ADGRL3: variants seen among roughly 807,000 people sequenced by gnomAD.
ADGRL3 encodes adhesion G protein-coupled receptor L3, also known as calcium-independent alpha-latrotoxin receptor 3.
A neutral mutation model predicts 153.5 loss-of-function variants in ADGRL3; 62 were observed. The observed-to-expected ratio is 0.40, with a 90% confidence interval of 0.33 to 0.50. ADGRL3 has a LOEUF of 0.50. ADGRL3 is among the 20% of genes least tolerant of loss of function. The probability of loss-of-function intolerance (pLI) is 0.47; values close to 1 mark genes in which losing one functional copy is unlikely to be tolerated. For synonymous variants in ADGRL3, 710 were observed against 672.5 expected (o/e 1.06, Z -0.86); for missense variants, 1,641 against 1,859.4 (o/e 0.88, Z 2.16).
intron 2 of ADGRL3, among the ~76,000 whole-genome samples, chr4:61,472,567 G>A (rs1179085246): frequency 6.6e-6 from 1 of 152,022 alleles, no homozygotes; most frequent in Non-Finnish European, 1.5e-5. Context: ...TAATCTTGGA[G>A]GTGAAATCCC....
chr4:61,580,414 C>A (rs1487269984), intron 4 of ADGRL3, among the ~76,000 whole-genome samples: 1 of 151,912 alleles, frequency 6.6e-6, no homozygotes, highest in Non-Finnish European at 1.5e-5. Flanking sequence ...ACTATTTGTA[C>A]GATCATTCAT....
At chr4:61,789,089 CA>C (rs1380735277) in intron 8 of ADGRL3, among the ~76,000 whole-genome samples, 1 of 151,964 alleles carries the variant, frequency 6.6e-6, no homozygotes, top group Non-Finnish European at 1.5e-5. Flanking sequence ...ATAAAATAAA[CA>C]GATGAACTAA....
chr4:61,813,706 T>A (rs1026354550), intron 8 of ADGRL3, 103 bp from the exon 9 acceptor site: 7 of 1,343,922 alleles, frequency 5.2e-6, no homozygotes, highest in African/African-American at 1.6e-5. Context: ...ATTTAGGCTA[T>A]TAATTCAGTT....
intron 11 of ADGRL3, among the ~76,000 whole-genome samples, chr4:61,897,553 C>T (rs1330368284): frequency 6.6e-6 from 1 of 152,186 alleles, no homozygotes; most frequent in Admixed American, 6.6e-5. Flanking sequence ...TACTCTTTTA[C>T]TTGGTTGTGT....
Position 61,949,887 on chromosome 4 carries a change from G to A in ADGRL3, c.2805+1611G>A, listed in dbSNP as rs150661026. ...AGCACTCATAGCTTCAACACTTTAT[G>A]CGAAAGTTAAAGCTTAGTTTTCACA... On this transcript the variant is annotated intron_variant, in intron 17 of 26. Coordinates refer to ENST00000683033, the MANE Select transcript of ADGRL3 (RefSeq NM_001387552.1). Among the ~76,000 whole-genome samples the A allele has an allele frequency of 1.0e-3, 157 of 152,196 alleles. 6 individuals carry two copies. In the East Asian group the frequency reaches 0.028, roughly 27 times the overall value.
intron 1 of ADGRL3, among the ~76,000 whole-genome samples, chr4:61,341,770 C>T (rs1246519471): frequency 6.6e-6 from 1 of 152,018 alleles, no homozygotes; most frequent in Non-Finnish European, 1.5e-5. Flanking sequence ...GGGAATTTAA[C>T]ATTGCTTTCA....
chr4:62,060,061 C>T lies in ADGRL3; in HGVS notation c.3815-8105C>T, dbSNP rs574047290. On this transcript the variant is annotated intron_variant, in intron 25 of 26. Coordinates refer to ENST00000683033, the MANE Select transcript of ADGRL3 (RefSeq NM_001387552.1). ...TTTGAATGATTAATCCTTTTTTGTT[C>T]TTGTATTCTTGGCTTTTCAATAAAC... is the stretch of plus-strand genomic sequence containing the variant. 5.9e-5 allele frequency among the ~76,000 whole-genome samples: 9 copies of T among 151,584 alleles called. No individual in the cohort carries two copies. In the Middle Eastern group the frequency reaches 0.01, roughly 173 times the overall value.
chr4:61,777,500 T>C (rs936683191), intron 8 of ADGRL3, among the ~76,000 whole-genome samples: 3 of 152,222 alleles, frequency 2.0e-5, no homozygotes, highest in African/African-American at 7.2e-5. Flanking sequence ...CCAAACATTT[T>C]AGTGAATATA....
chr4:61,268,212 G>A (rs936529844), intron 1 of ADGRL3, among the ~76,000 whole-genome samples: 1 of 151,564 alleles, frequency 6.6e-6, no homozygotes, highest in African/African-American at 2.4e-5. Flanking sequence ...GTCTCAGTAA[G>A]CTAACTAATT....
intron 2 of ADGRL3, among the ~76,000 whole-genome samples, chr4:61,432,800 T>C (rs2152425637): frequency 6.6e-6 from 1 of 151,618 alleles, no homozygotes; most frequent in East Asian, 1.9e-4. Flanking sequence ...GTTATAGGCA[T>C]GAGCCACCAC....
At chr4:61,800,825 A>C (rs895033922) in intron 8 of ADGRL3, among the ~76,000 whole-genome samples, 2 of 152,154 alleles carry the variant, frequency 1.3e-5, no homozygotes, top group African/African-American at 4.8e-5. Flanking sequence ...TTTTGTGTGT[A>C]ATATGGTCAG....
chr4:61,230,465 G>C lies in ADGRL3; in HGVS notation c.-240+28700G>C, dbSNP rs567316686. Among the ~76,000 whole-genome samples the C allele has an allele frequency of 3.9e-3, 586 of 152,200 alleles. 6 individuals are homozygous for C. Among genetic ancestry groups the C allele is most frequent in the African/African-American group, 0.013 (544 of 41,524 alleles). On this transcript the variant is annotated intron_variant, in intron 1 of 26. Transcript: ENST00000683033. ...TTATTAAGAAATTGTAAGGAGAGAA[G>C]GATTCTTCCCAATTTATTTAAATCT...
At chr4:61,215,707 A>G (rs1277364257) in intron 1 of ADGRL3, among the ~76,000 whole-genome samples, 5 of 150,740 alleles carry the variant, frequency 3.3e-5, no homozygotes, top group Admixed American at 6.6e-5. Context: ...GCCCGCCACC[A>G]CGCCCGGTTT....
intron 3 of ADGRL3, among the ~76,000 whole-genome samples, chr4:61,498,142 G>A (rs569689383): frequency 4.6e-5 from 7 of 152,084 alleles, no homozygotes; most frequent in African/African-American, 1.7e-4. Context: ...TTTTTTCTCT[G>A]AGTATTTACT....
intron 1 of ADGRL3, among the ~76,000 whole-genome samples, chr4:61,347,424 C>T (rs2151256922): frequency 6.6e-6 from 1 of 152,238 alleles, no homozygotes; most frequent in African/African-American, 2.4e-5. Context: ...GTTATTAACA[C>T]ACCATCCTAG....
At chr4:61,886,601 TTCTC>T (rs869105212) in intron 9 of ADGRL3, among the ~76,000 whole-genome samples, 2 of 42,932 alleles carry the variant, frequency 4.7e-5, no homozygotes, top group Non-Finnish European at 1.4e-4. Context: ...TAAACCTTTC[TTCTC>T]TTGTGAAGTT....
chr4:62,035,302 T>A (rs894739402), intron 23 of ADGRL3, among the ~76,000 whole-genome samples: 2 of 152,038 alleles, frequency 1.3e-5, no homozygotes, highest in Non-Finnish European at 2.9e-5. Context: ...TAGCCCACGA[T>A]GAATTATTGT....
chr4:61,873,404 T>G (rs1266685283), intron 9 of ADGRL3, among the ~76,000 whole-genome samples: 1 of 152,222 alleles, frequency 6.6e-6, no homozygotes, highest in Non-Finnish European at 1.5e-5. Flanking sequence ...TTTTGTGCTT[T>G]GCATTAGTTT....
rs143313614 is a variant in ADGRL3 at position 61,431,096 on chromosome 4, T to C, written c.-174+47907T>C. ...GATAGTTGCTTCCTTTAATTTTAAA[T>C]TTCTTATTATAACCATGATCATCAT... On this transcript the variant is annotated intron_variant, in intron 2 of 26. Coordinates refer to ENST00000683033, the MANE Select transcript of ADGRL3 (RefSeq NM_001387552.1). Among the ~76,000 whole-genome samples the C allele has an allele frequency of 8.6e-3, 1,307 of 152,320 alleles. 22 individuals carry two copies. The highest frequency in any genetic ancestry group is 0.029 in the African/African-American group (1,208 of 41,580).
Sources: gnomAD v4.1 joint callset for allele counts (sites outside exome capture counted in the v4.1 genomes callset) on GRCh38, gnomAD v4.1.1 for gene constraint, MANE v1.5 for transcripts, NCBI Gene and HGNC (gene_info 2026-07-23, HGNC 2026-07-21) for gene names.